Variants in GRHL1 observed in about 807,000 individuals in gnomAD.
GRHL1 encodes the protein grainyhead like transcription factor 1, also known as grainyhead-like protein 1 homolog.
GRHL1 carries 38 observed loss-of-function variants against 75.7 expected under a neutral mutation model. The ratio of observed to expected loss-of-function variants is 0.50; its 90% CI spans 0.39 to 0.66. GRHL1 has a LOEUF of 0.66. GRHL1 is among the 30% of genes least tolerant of loss of function. GRHL1 has a pLI of 0.00. For synonymous variants in GRHL1, 266 were observed against 279.4 expected, an observed-to-expected ratio of 0.95 and a Z score of 0.48; for missense variants, 589 against 767.5, an observed-to-expected ratio of 0.77 and a Z score of 2.75.
rs1289869961 is a variant in GRHL1, at chr2:9,998,691, TAC to T, written c.1678-268_1678-267del. Among the ~76,000 whole-genome samples, 17 of 72,552 alleles carry T rather than the reference TAC, an allele frequency of 2.3e-4. 3 individuals carry two copies. Among genetic ancestry groups the T allele is most frequent in the African/African-American group, 6.9e-4 (9 of 13,088 alleles). The allele number at this position is 72,552 out of a possible 152,430, so 47.6% of individuals were successfully genotyped here. ...GTACACATATATATACATATATATG[TAC>T]ACACATATATATACATATATATGTA... On this transcript the variant is annotated intron_variant, in intron 14 of 15. Coordinates refer to ENST00000324907, the MANE Select transcript of GRHL1 (RefSeq NM_198182.3).
chr2:9,987,757 T>C lies in GRHL1; in HGVS notation c.1269+1475T>C, dbSNP rs1029799218. Among the ~76,000 whole-genome samples, 1 of 152,092 alleles carries C rather than the reference T, an allele frequency of 6.6e-6. No homozygotes were observed. The highest frequency in any genetic ancestry group is 1.5e-5 in the Non-Finnish European group (1 of 68,020). Reference sequence around the variant, plus strand: ...GAGAGTCTGGAAGGTGCGTCGAGTCTTGAGGGGAAAGTTTGTGCTGGCTCG... The same window carrying C: ...GAGAGTCTGGAAGGTGCGTCGAGTCCTGAGGGGAAAGTTTGTGCTGGCTCG... On this transcript the variant is annotated intron_variant, in intron 9 of 15. Coordinates refer to ENST00000324907, the MANE Select transcript of GRHL1 (RefSeq NM_198182.3). The surrounding 1 kb of genome is among the most constrained non-coding windows in gnomAD (Gnocchi z 4.2).
At chr2:9,974,153 G>A (rs1161180121) in intron 8 of GRHL1, among the ~76,000 whole-genome samples, 3 of 152,186 alleles carry the variant, frequency 2.0e-5, no homozygotes, top group Non-Finnish European at 4.4e-5. Context: ...GGAGACTTGG[G>A]TCCTGGCCTT....
At chr2:9,983,348 C>A (rs1307816300) in intron 8 of GRHL1, among the ~76,000 whole-genome samples, 1 of 151,832 alleles carries the variant, frequency 6.6e-6, no homozygotes, top group Non-Finnish European at 1.5e-5. Flanking sequence ...TGTCAACTTT[C>A]TTTAATACAT....
chr2:9,990,828 G>A lies in GRHL1; in HGVS notation c.1321+81G>A. ...GCAAGCTTCAGACCTTTTCCATTGA[G>A]AATGGTGGCTGGAGTTTGCACGCAG... On this transcript the variant is annotated intron_variant, in intron 10 of 15. Transcript: ENST00000324907. The surrounding 1 kb of genome is among the most constrained non-coding windows in gnomAD (Gnocchi z 4.2). The A allele has an allele frequency of 8.6e-7, 1 of 1,157,124 alleles. No individual in the cohort carries two copies. The highest frequency in any genetic ancestry group is 1.3e-6 in the Non-Finnish European group (1 of 782,916). The allele number at this position is 1,157,124 out of a possible 1,614,324, so 71.7% of individuals were successfully genotyped here.
chr2:9,962,121 CTT>C (rs1667305666), intron 4 of GRHL1, among the ~76,000 whole-genome samples: 1 of 152,002 alleles, frequency 6.6e-6, no homozygotes, highest in Admixed American at 6.6e-5. Context: ...GATAGGGTGA[CTT>C]TTAAAAGTCA....
Position 9,990,300 on chromosome 2 carries a change from G to A in GRHL1, c.1270-396G>A, listed in dbSNP as rs181059722. 6.6e-6 allele frequency among the ~76,000 whole-genome samples: 1 copy of A among 151,986 alleles called. No individual in the cohort carries two copies. Among genetic ancestry groups the A allele is most frequent in the Admixed American group, 6.5e-5 (1 of 15,274 alleles). Reference sequence around the variant, plus strand: ...CAAGTAGCTGGGACTACAGGTGCCCGCTACCACGCCTGGCTAATTTTTGTA... The same window carrying A: ...CAAGTAGCTGGGACTACAGGTGCCCACTACCACGCCTGGCTAATTTTTGTA... On this transcript the variant is annotated intron_variant, in intron 9 of 15. Transcript: ENST00000324907. The surrounding 1 kb of genome is among the most constrained non-coding windows in gnomAD (Gnocchi z 4.2).
intron 6 of GRHL1, 60 bp downstream of exon 6, chr2:9,964,102 G>GTCTGAAGCAGC: frequency 6.6e-7 from 1 of 1,511,610 alleles, no homozygotes; most frequent in Non-Finnish European, 9.1e-7. Context: ...ACATTTCCAG[G>GTCTGAAGCAGC]TCTGAAGCAG....
intron 14 of GRHL1, among the ~76,000 whole-genome samples, chr2:9,998,605 T>TATATACATATATATGTACACATATAC (rs1399895596): frequency 5.3e-5 from 3 of 57,014 alleles, no homozygotes; most frequent in South Asian, 4.4e-4. Flanking sequence ...TACACATATA[T>TATATACATATATATGTACACATATAC]ATATACATAT....
At chr2:9,989,598 G>C (rs1442663539) in intron 9 of GRHL1, among the ~76,000 whole-genome samples, 1 of 152,032 alleles carries the variant, frequency 6.6e-6, no homozygotes, top group African/African-American at 2.4e-5. Flanking sequence ...ACCCAGACTG[G>C]AGTACAGTGG....
chr2:9,992,682 G>A lies in GRHL1; in HGVS notation c.1462-525G>A, dbSNP rs1016964701. Among the ~76,000 whole-genome samples, 9 of 152,338 alleles carry A rather than the reference G, an allele frequency of 5.9e-5. No individual in the cohort carries two copies. In the South Asian group the frequency reaches 1.9e-3, roughly 32 times the overall value. ...CAAGGGATAGAAACTTCAGTAGAATGAAGCATGGTTTTATGCTGAGTGCAA... is the reference window on the plus strand; with the variant it reads ...CAAGGGATAGAAACTTCAGTAGAATAAAGCATGGTTTTATGCTGAGTGCAA... On this transcript the variant is annotated intron_variant, in intron 11 of 15. Coordinates refer to ENST00000324907, the MANE Select transcript of GRHL1 (RefSeq NM_198182.3). The surrounding 1 kb of genome is among the most constrained non-coding windows in gnomAD (Gnocchi z 4.6).
Position 10,001,652 on chromosome 2 carries a change from G to A in GRHL1, c.*945G>A, listed in dbSNP as rs1669273098. On this transcript the variant is annotated 3_prime_UTR_variant, in exon 16 of 16. Coordinates refer to ENST00000324907, the MANE Select transcript of GRHL1 (RefSeq NM_198182.3). ...AATGACAGAGATTCTGTTTGCTGTT[G>A]AGAATGTTGTTATTTGGATTTCTGC... 6.6e-6 allele frequency: 1 copy of A among 152,172 alleles called. No individual in the cohort carries two copies. Among genetic ancestry groups the A allele is most frequent in the Non-Finnish European group, 1.5e-5 (1 of 68,036 alleles). The allele number at this position is 152,172 out of a possible 1,614,324, so 9.4% of individuals were successfully genotyped here.
At chr2:9,961,985 G>A (rs1284309065) in intron 4 of GRHL1, among the ~76,000 whole-genome samples, 2 of 152,158 alleles carry the variant, frequency 1.3e-5, no homozygotes, top group African/African-American at 2.4e-5. Flanking sequence ...TAGTGACTTG[G>A]TGGGGTAAAG....
chr2:10,001,375 A>AT lies in GRHL1; in HGVS notation c.*673dup, dbSNP rs1346705262. The stretch of plus-strand genomic sequence containing the variant: ...GCTGCATTGTATATAAGTGCAATAT[A>AT]TTTTTGAAGGTCTGTAAATGTGTAC... On this transcript the variant is annotated 3_prime_UTR_variant, in exon 16 of 16. Coordinates refer to ENST00000324907, the MANE Select transcript of GRHL1 (RefSeq NM_198182.3). 1 of 152,662 alleles carries AT rather than the reference A, an allele frequency of 6.6e-6. No homozygotes were observed. The highest frequency in any genetic ancestry group is 6.5e-5 in the Admixed American group (1 of 15,278). The allele number at this position is 152,662 out of a possible 1,614,324, so 9.5% of individuals were successfully genotyped here.
At chr2:9,962,782 TAGTAGAATGGAATCTA>T (rs1040036216) in intron 5 of GRHL1, among the ~76,000 whole-genome samples, 13 of 152,150 alleles carry the variant, frequency 8.5e-5, no homozygotes, top group Admixed American at 3.3e-4. Flanking sequence ...TATGTGATGG[TAGTAGAATGGAATCTA>T]ATAGGAGAGA....
chr2:9,959,488 G>A (rs1428754501), intron 3 of GRHL1: 4 of 152,304 alleles, frequency 2.6e-5, no homozygotes, highest in Middle Eastern at 3.4e-3. Flanking sequence ...TTTATGTAGC[G>A]TAGTTGTGTT....
chr2:9,981,193 C>A (rs2125231187), intron 8 of GRHL1, among the ~76,000 whole-genome samples: 1 of 152,284 alleles, frequency 6.6e-6, no homozygotes, highest in East Asian at 1.9e-4. Flanking sequence ...TAAAGAAGGC[C>A]ACCCTCCTGA....
chr2:9,981,204 C>A (rs191214150), intron 8 of GRHL1, among the ~76,000 whole-genome samples: 2 of 152,238 alleles, frequency 1.3e-5, no homozygotes, highest in Non-Finnish European at 2.9e-5. Context: ...ACCCTCCTGA[C>A]CATAAAGCTC....
At chr2:9,954,228 T>A (rs1252451053) in intron 1 of GRHL1, among the ~76,000 whole-genome samples, 5 of 152,202 alleles carry the variant, frequency 3.3e-5, no homozygotes, top group African/African-American at 1.2e-4. Context: ...GCTTCATTTA[T>A]TGTTGGATAT....
intron 3 of GRHL1, chr2:9,960,626 G>A (rs142670698): frequency 6.0e-4 from 99 of 164,746 alleles, no homozygotes; most frequent in African/African-American, 2.2e-3. Flanking sequence ...TCCCCATTTT[G>A]CAGATGAGGA....
Sources: gnomAD v4.1 joint callset for allele counts (sites outside exome capture counted in the v4.1 genomes callset) on GRCh38, gnomAD v4.1.1 for gene constraint, Gnocchi (gnomAD v3.1) non-coding constraint, MANE v1.5 for transcripts, NCBI Gene and HGNC (gene_info 2026-07-23, HGNC 2026-07-21) for gene names.